AKR1C3: variants seen among roughly 807,000 people sequenced by gnomAD.
AKR1C3 encodes 3-alpha hydroxysteroid dehydrogenase, type II.
AKR1C3 carries 48 observed loss-of-function variants against 43.6 expected under a neutral mutation model. That is an observed-to-expected ratio of 1.10 (90% CI 0.87 to 1.40). The LOEUF (loss-of-function observed/expected upper bound fraction) is 1.40, where lower values mean the gene tolerates loss of function less well. AKR1C3 is among the 40% of genes most tolerant of loss of function. The pLI is 0.00. For synonymous variants in AKR1C3, 162 were observed against 139.6 expected (o/e 1.16, Z -1.13); for missense variants, 482 against 391.2 (o/e 1.23, Z -1.96).
chr10:5,094,811 G>A (rs1276526924), intron 1 of AKR1C3, among the ~76,000 whole-genome samples: 3 of 152,142 alleles, frequency 2.0e-5, no homozygotes, highest in African/African-American at 7.2e-5. Flanking sequence ...GAAGAACACT[G>A]TTGGTCATCT....
At chr10:5,053,863 G>A (rs1186151582) in intron 1 of AKR1C3, among the ~76,000 whole-genome samples, 15 of 152,130 alleles carry the variant, frequency 9.9e-5, no homozygotes, top group African/African-American at 1.7e-4. Context: ...ACTCATTTGG[G>A]GTTCCATTTG....
intron 5 of AKR1C3, among the ~76,000 whole-genome samples, chr10:5,100,234 C>T (rs782326658): frequency 1.2e-4 from 18 of 152,250 alleles, no homozygotes; most frequent in African/African-American, 2.9e-4. Flanking sequence ...GCAGAGATTG[C>T]GGTGAGCCGA....
chr10:5,077,683 T>C, intron 1 of AKR1C3: 1 of 1,113,322 alleles, frequency 9.0e-7, no homozygotes, highest in Non-Finnish European at 1.1e-6. Flanking sequence ...ATGGTTTGCT[T>C]GCCATTGAAA....
At chr10:5,105,523 C>A in intron 7 of AKR1C3, 72 bp from the exon 8 acceptor site, 1 of 1,142,056 alleles carries the variant, frequency 8.8e-7, no homozygotes, top group Non-Finnish European at 1.3e-6. Flanking sequence ...GTCTCTGCAC[C>A]CTACTGTCTA....
At chr10:5,087,174 A>C (rs1409635323) in intron 1 of AKR1C3, among the ~76,000 whole-genome samples, 2 of 152,094 alleles carry the variant, frequency 1.3e-5, no homozygotes, top group Non-Finnish European at 2.9e-5. Context: ...GCTGGTCTTT[A>C]CAATTTGGCA....
chr10:5,087,788 T>A (rs1839004136), intron 1 of AKR1C3, among the ~76,000 whole-genome samples: 1 of 152,118 alleles, frequency 6.6e-6, no homozygotes, highest in Non-Finnish European at 1.5e-5. Flanking sequence ...GTCTCATTGA[T>A]CCTTTATACC....
In AKR1C3 at chr10:5,104,333, A is replaced by T. The variant is rs1839441898; in HGVS notation, c.847-1262A>T. ...CATGGAATTTCTAAATTGATATCAA[A>T]AGGTGCCACCAACAATTATTGAAAA... is the stretch of plus-strand genomic sequence containing the variant. On this transcript the variant is annotated intron_variant, in intron 7 of 8. Transcript: ENST00000380554. Among the ~76,000 whole-genome samples, 3 of 152,194 alleles carry T rather than the reference A, an allele frequency of 2.0e-5. 1 individual carries two copies. The highest frequency in any genetic ancestry group is 2.0e-4 in the Admixed American group (3 of 15,286).
At chr10:5,051,794 C>T (rs1197144466) in intron 1 of AKR1C3, among the ~76,000 whole-genome samples, 2 of 152,138 alleles carry the variant, frequency 1.3e-5, no homozygotes, top group East Asian at 1.9e-4. Flanking sequence ...TTAGAGACTT[C>T]AGTTAACCAA....
intron 1 of AKR1C3, among the ~76,000 whole-genome samples, chr10:5,059,869 T>C (rs1838345432): frequency 6.6e-6 from 1 of 152,196 alleles, no homozygotes; most frequent in South Asian, 2.1e-4. Flanking sequence ...GGGTTCTTGG[T>C]CTCACTGACT....
In AKR1C3 at chr10:5,099,256, G is replaced by C. The variant is rs1046487914; in HGVS notation, c.448-71G>C. ...TACTTTGAAAGTTGTTGCTCTCACA[G>C]TTCTGTCTTGCATTTACCGTGATTT... On this transcript the variant is annotated intron_variant, in intron 4 of 8. Transcript: ENST00000380554. The C allele has an allele frequency of 7.5e-6, 12 of 1,605,092 alleles. 1 individual carries two copies. In the South Asian group the frequency reaches 1.2e-4, roughly 16 times the overall value.
upstream of AKR1C3, chr10:5,093,455 T>C (rs553790130): frequency 1.3e-4 from 20 of 152,256 alleles, no homozygotes; most frequent in South Asian, 1.9e-3. Context: ...AACTCCAAGA[T>C]GTTGATAATG....
At position 5,086,365 on chromosome 10, in the gene AKR1C3, T is replaced by C. The variant is rs551619211; in HGVS notation, c.85-10045T>C. 5.3e-5 allele frequency among the ~76,000 whole-genome samples: 8 copies of C among 151,710 alleles called. No homozygotes were observed. In the South Asian group the frequency reaches 1.5e-3, roughly 28 times the overall value. On this transcript the variant is annotated intron_variant, in intron 1 of 8. Coordinates refer to the AKR1C3 transcript ENST00000439082. ...AGTCATTCAGGAGCAGGTTGTTCAG[T>C]TTCCATGTAGTTGAGCAGTTTTGAG...
upstream of AKR1C3, among the ~76,000 whole-genome samples, chr10:5,092,307 C>A (rs1253952821): frequency 6.6e-6 from 1 of 151,920 alleles, no homozygotes; most frequent in African/African-American, 2.4e-5. Context: ...AAGTTACTCA[C>A]ATATTTAGAT....
chr10:5,072,397 A>G (rs1488375707), intron 1 of AKR1C3, among the ~76,000 whole-genome samples: 3 of 152,198 alleles, frequency 2.0e-5, no homozygotes, highest in South Asian at 2.1e-4. Flanking sequence ...CCTGTTGCCA[A>G]TAAGGATAGA....
chr10:5,063,765 CAAAAAAAAAAAA>C (rs71391987), intron 1 of AKR1C3, among the ~76,000 whole-genome samples: 3 of 46,426 alleles, frequency 6.5e-5, no homozygotes, highest in African/African-American at 2.5e-4. Flanking sequence ...TCTGTCTCAG[CAAAAAAAAAAAA>C]AAAAAAAAAA....
intron 1 of AKR1C3, among the ~76,000 whole-genome samples, chr10:5,073,446 T>C (rs1268040301): frequency 6.6e-6 from 1 of 152,048 alleles, no homozygotes; most frequent in Admixed American, 6.6e-5. Context: ...ATTTCTACCT[T>C]TGGTAACATA....
At chr10:5,089,387 T>C (rs1839037668) in intron 1 of AKR1C3, among the ~76,000 whole-genome samples, 1 of 152,148 alleles carries the variant, frequency 6.6e-6, no homozygotes, top group African/African-American at 2.4e-5. Context: ...TTATTAGTTG[T>C]AGATTTGATG....
intron 1 of AKR1C3, among the ~76,000 whole-genome samples, chr10:5,058,078 G>A (rs184492870): frequency 1.3e-4 from 20 of 152,198 alleles, no homozygotes; most frequent in East Asian, 5.8e-4. Flanking sequence ...CCAATAGCCC[G>A]GGGGGTTTTG....
chr10:5,048,799 C>A, upstream of AKR1C3: 1 of 1,612,150 alleles, frequency 6.2e-7, no homozygotes, highest in South Asian at 1.1e-5. Context: ...TGCTAGCCAG[C>A]TGAGTGACAG....
Sources: gnomAD v4.1 joint callset for allele counts (sites outside exome capture counted in the v4.1 genomes callset) on GRCh38, gnomAD v4.1.1 for gene constraint, MANE v1.5 for transcripts, NCBI Gene and HGNC (gene_info 2026-07-23, HGNC 2026-07-21) for gene names.